Variants in PCYT2 observed in about 807,000 individuals in gnomAD.
PCYT2 encodes the protein ethanolamine-phosphate cytidylyltransferase.
In PCYT2, 33 loss-of-function variants were observed where a neutral mutation model predicts 50.0. That is an observed-to-expected ratio of 0.66 (90% CI 0.50 to 0.88). PCYT2 has a LOEUF of 0.88. Ranked by LOEUF, PCYT2 falls within the 40% of genes least tolerant of loss-of-function variation. The pLI, the probability that PCYT2 is intolerant of heterozygous loss-of-function variation, is 0.00. For synonymous variants in PCYT2, 240 were observed against 203.7 expected (o/e 1.18, Z -1.52); for missense variants, 430 against 519.7 (o/e 0.83, Z 1.68).
At position 81,902,275 on chromosome 17, in the gene PCYT2, C is replaced by G; in HGVS notation, c.*2558G>C. 1 of 1,292,156 alleles carries G rather than the reference C, an allele frequency of 7.7e-7. No individual in the cohort carries two copies. Among genetic ancestry groups the G allele is most frequent in the South Asian group, 2.5e-5 (1 of 39,820 alleles). The allele number at this position is 1,292,156 out of a possible 1,614,324, so 80.0% of individuals were successfully genotyped here. Reference sequence around the variant, plus strand: ...CGCCGCCCACCAGTCAGCCGGCGTCCCCATGGCCCGGTCCGCGACACTGGC... The same window carrying G: ...CGCCGCCCACCAGTCAGCCGGCGTCGCCATGGCCCGGTCCGCGACACTGGC... On this transcript the variant is annotated 3_prime_UTR_variant, in exon 13 of 13. Coordinates refer to ENST00000538936, the MANE Select transcript of PCYT2 (RefSeq NM_002861.5).
At chr17:81,906,693 C>G in intron 7 of PCYT2, 67 bp downstream of exon 7, 1 of 1,598,958 alleles carries the variant, frequency 6.3e-7, no homozygotes, top group Middle Eastern at 1.7e-4. Flanking sequence ...CCCAAGGAGT[C>G]AAGTGAGGCC....
Position 81,905,132 on chromosome 17 carries a change from A to C in PCYT2, c.992T>G (p.Phe331Cys). The change falls in exon 12 of 13, where the codon TTC (phenylalanine) becomes TGC (cysteine). Residue 331 changes from phenylalanine to cysteine, a missense_variant. Transcript: ENST00000538936. ...PYQEPKRRGI[F>C]RQIDSGSNLT... ...GTTGCTGCCACTGTCAATCTGACGG[A>C]AGATGCCCCTTCTCTTGGGCTCCTG... 2 of 1,613,242 alleles carry C rather than the reference A, an allele frequency of 1.2e-6. No individual in the cohort carries two copies. The highest frequency in any genetic ancestry group is 1.6e-4 in the Middle Eastern group (1 of 6,062).
At chr17:81,906,669 C>G in intron 7 of PCYT2, 91 bp downstream of exon 7, 2 of 1,586,920 alleles carry the variant, frequency 1.3e-6, no homozygotes, top group East Asian at 2.2e-5. Flanking sequence ...AACCAGCCAG[C>G]CCAGTCTGGG....
In PCYT2 at chr17:81,903,303, C is replaced by T. The variant is rs2143624810; in HGVS notation, c.*1530G>A. On this transcript the variant is annotated 3_prime_UTR_variant, in exon 13 of 13. Transcript: ENST00000538936. ...AGAGTTGGGGGCCTGAGCCCTGGCT[C>T]CAGAGGCCCAGAGCATGCCTCCCCA... 6.5e-6 allele frequency: 1 copy of T among 153,504 alleles called. No homozygotes were observed. The highest frequency in any genetic ancestry group is 1.5e-5 in the Non-Finnish European group (1 of 68,872). The allele number at this position is 153,504 out of a possible 1,614,324, so 9.5% of individuals were successfully genotyped here. A position where few individuals can be genotyped will look rare whatever the true frequency, so the allele number is the denominator to read the frequency against.
chr17:81,905,124 T>G lies in PCYT2; in HGVS notation c.1000A>C (p.Ile334Leu), dbSNP rs1292960146. Reference sequence around the variant, plus strand: ...GTGGTGAGGTTGCTGCCACTGTCAATCTGACGGAAGATGCCCCTTCTCTTG... The same window carrying G: ...GTGGTGAGGTTGCTGCCACTGTCAAGCTGACGGAAGATGCCCCTTCTCTTG... Reference protein sequence around the residue: ...EPKRRGIFRQIDSGSNLTTDL... With the variant: ...EPKRRGIFRQLDSGSNLTTDL... The change falls in exon 12 of 13, where the codon ATT becomes CTT. Residue 334 changes from isoleucine to leucine, a missense_variant. By Grantham distance (5) the Ile-to-Leu change is conservative (BLOSUM62 2). Transcript: ENST00000538936. 2 of 1,613,266 alleles carry G rather than the reference T, an allele frequency of 1.2e-6. No individual in the cohort carries two copies. Among genetic ancestry groups the G allele is most frequent in the Non-Finnish European group, 1.7e-6 (2 of 1,179,932 alleles).
In PCYT2 at chr17:81,902,823, C is replaced by T; in HGVS notation, c.*2010G>A. The T allele has an allele frequency of 5.9e-6, 8 of 1,354,152 alleles. No individual in the cohort carries two copies. Among genetic ancestry groups the T allele is most frequent in the Non-Finnish European group, 6.0e-6 (6 of 1,007,350 alleles). The allele number at this position is 1,354,152 out of a possible 1,614,324, so 83.9% of individuals were successfully genotyped here. A position where few individuals can be genotyped will look rare whatever the true frequency, so the allele number is the denominator to read the frequency against. On this transcript the variant is annotated 3_prime_UTR_variant, in exon 13 of 13. Coordinates refer to ENST00000538936, the MANE Select transcript of PCYT2 (RefSeq NM_002861.5). ...ACTCGGTGACCCCAGGCCCCTCCGG[C>T]GCGGGATGGCGCCCCAGGTCTCCCC...
Position 81,905,174 on chromosome 17 carries a change from G to A in PCYT2, c.970-20C>T, listed in dbSNP as rs1413547834. 2.5e-6 allele frequency: 4 copies of A among 1,599,076 alleles called. No individual in the cohort carries two copies. Among genetic ancestry groups the A allele is most frequent in the Non-Finnish European group, 3.4e-6 (4 of 1,170,492 alleles). The stretch of plus-strand genomic sequence containing the variant: ...GGGCTCCTGGGGGTCCAGAGAGGAG[G>A]AGCGGGATGAAGGTCCCTGCTGACC... On this transcript the variant is annotated intron_variant, in intron 11 of 12. Transcript: ENST00000538936.
intron 8 of PCYT2, 36 bp from the exon 9 acceptor site, chr17:81,906,213 T>G (rs781448891): frequency 6.4e-7 from 1 of 1,561,374 alleles, no homozygotes; most frequent in South Asian, 1.2e-5. Flanking sequence ...GCCCGGAGAC[T>G]TTTTGGGGGG....
chr17:81,905,860 G>C (rs1244255220), intron 9 of PCYT2, 125 bp from the exon 10 acceptor site: 1 of 1,025,002 alleles, frequency 9.8e-7, no homozygotes, highest in Non-Finnish European at 1.5e-6. Context: ...GGATGGGCTG[G>C]GCAGGCTGGG....
chr17:81,905,862 C>A lies in PCYT2; in HGVS notation c.838-127G>T, dbSNP rs547236734. The A allele has an allele frequency of 1.7e-5, 18 of 1,029,516 alleles. No homozygotes were observed. The African/African-American group carries it at 2.7e-4, about 15-fold the overall frequency. 63.8% of individuals were successfully genotyped at this position (1,029,516 alleles called of 1,614,324 possible). A position where few individuals can be genotyped will look rare whatever the true frequency, so the allele number is the denominator to read the frequency against. On this transcript the variant is annotated intron_variant, in intron 9 of 12. Coordinates refer to ENST00000538936, the MANE Select transcript of PCYT2 (RefSeq NM_002861.5). ...CAGTGAGTAGCAGGGATGGGCTGGG[C>A]AGGCTGGGGACCCCTGGGGCTCCTC...
At chr17:81,909,994 A>G (rs1014542829) in intron 1 of PCYT2, among the ~76,000 whole-genome samples, 5 of 152,216 alleles carry the variant, frequency 3.3e-5, no homozygotes, top group African/African-American at 4.8e-5. Context: ...CTCTTGGGGT[A>G]GGGTTGGATC....
chr17:81,905,531 G>T, intron 10 of PCYT2, 84 bp from the exon 11 acceptor site: 2 of 1,455,326 alleles, frequency 1.4e-6, no homozygotes, highest in Non-Finnish European at 1.9e-6. Flanking sequence ...CCCGGGGGTT[G>T]GGAGAGCTGA....
chr17:81,904,764 A>G lies in PCYT2; in HGVS notation c.*69T>C. 9.6e-7 allele frequency: 1 copy of G among 1,044,966 alleles called. No homozygotes were observed. The highest frequency in any genetic ancestry group is 1.6e-5 in the African/African-American group (1 of 63,616). The allele number at this position is 1,044,966 out of a possible 1,614,324, so 64.7% of individuals were successfully genotyped here. On this transcript the variant is annotated 3_prime_UTR_variant, in exon 13 of 13. Coordinates refer to ENST00000538936, the MANE Select transcript of PCYT2 (RefSeq NM_002861.5). ...CCAGTTAGAGAGGGCGGCCCTGCAG[A>G]GTCCTATGTCCAAACGCAGAAGGCG...
intron 6 of PCYT2, chr17:81,907,106 G>GCGAC: frequency 8.6e-7 from 1 of 1,167,320 alleles, no homozygotes; most frequent in South Asian, 1.5e-5. Context: ...CACCACTTCA[G>GCGAC]CCCAGCAAGC....
rs776036565 is a variant in PCYT2, at chr17:81,906,907, CAA to C, written c.538-11_538-10del. 141 of 1,611,632 alleles carry C rather than the reference CAA, an allele frequency of 8.7e-5. No individual in the cohort carries two copies. Among genetic ancestry groups the C allele is most frequent in the Non-Finnish European group, 1.2e-4 (140 of 1,179,216 alleles). ...TTCCGCCCACCAGGGCACTGCAAGC[CAA>C]GAGAGGGAGCAGGTTGGCGGGGGAG... On this transcript the variant is annotated splice_polypyrimidine_tract_variant and intron_variant, in intron 6 of 12. Coordinates refer to ENST00000538936, the MANE Select transcript of PCYT2 (RefSeq NM_002861.5).
At position 81,904,775 on chromosome 17, in the gene PCYT2, C is replaced by T; in HGVS notation, c.*58G>A. On this transcript the variant is annotated 3_prime_UTR_variant, in exon 13 of 13. Coordinates refer to ENST00000538936, the MANE Select transcript of PCYT2 (RefSeq NM_002861.5). ...GGGCGGCCCTGCAGAGTCCTATGTCCAAACGCAGAAGGCGCAGAAGCAGAG... is the reference window on the plus strand; with the variant it reads ...GGGCGGCCCTGCAGAGTCCTATGTCTAAACGCAGAAGGCGCAGAAGCAGAG... 1.6e-6 allele frequency: 2 copies of T among 1,230,606 alleles called. No individual in the cohort carries two copies. Among genetic ancestry groups the T allele is most frequent in the Non-Finnish European group, 2.3e-6 (2 of 865,016 alleles). The allele number at this position is 1,230,606 out of a possible 1,614,324, so 76.2% of individuals were successfully genotyped here.
At chr17:81,906,322 A>G (rs975936521) in intron 8 of PCYT2, 142 bp downstream of exon 8, 1 of 1,094,924 alleles carries the variant, frequency 9.1e-7, no homozygotes, top group African/African-American at 1.6e-5. Flanking sequence ...TGGACCCCAG[A>G]AGCCTACGAT....
At chr17:81,909,682 G>A (rs1567897931) in intron 1 of PCYT2, 80 bp from the exon 2 acceptor site, 1 of 1,096,650 alleles carries the variant, frequency 9.1e-7, no homozygotes, top group African/African-American at 1.5e-5. Flanking sequence ...GCAGAGCTTT[G>A]CTCCTCTGAG....
At chr17:81,907,698 G>A in intron 5 of PCYT2, 75 bp downstream of exon 5, 1 of 1,592,970 alleles carries the variant, frequency 6.3e-7, no homozygotes, top group South Asian at 1.1e-5. Context: ...AGGACCCTGA[G>A]AGGGCAGGGA....
Sources: allele counts gnomAD v4.1 joint callset (sites outside exome capture counted in the v4.1 genomes callset), GRCh38; gene constraint gnomAD v4.1.1; transcripts MANE v1.5; gene names NCBI Gene and HGNC (gene_info 2026-07-23, HGNC 2026-07-21).